SERINC2: variants seen among roughly 807,000 people sequenced by gnomAD.
SERINC2 encodes tumor differentially expressed protein 2.
Under a neutral mutation model 54.2 loss-of-function variants are expected in SERINC2, and 56 were observed. That is an observed-to-expected ratio of 1.03 (90% CI 0.83 to 1.29). The LOEUF is 1.29. Ranked by LOEUF, SERINC2 falls within the 50% of genes most tolerant of loss-of-function variation. SERINC2 has a pLI of 0.00. For synonymous variants in SERINC2, 272 were observed against 253.1 expected, an observed-to-expected ratio of 1.07 and a Z score of -0.71; for missense variants, 614 against 607.4, an observed-to-expected ratio of 1.01 and a Z score of -0.12.
chr1:31,414,205 G>A (rs1287111672), intron 1 of SERINC2: 106 of 1,355,710 alleles, frequency 7.8e-5, no homozygotes, highest in Non-Finnish European at 9.4e-5. Context: ...AGCTGCAGCC[G>A]CAGAGGGGAG....
chr1:31,434,560 G>A lies in SERINC2; in HGVS notation c.*361G>A, dbSNP rs782217423. 4.2e-5 allele frequency: 11 copies of A among 263,102 alleles called. No homozygotes were observed. In the East Asian group the frequency reaches 4.7e-4, roughly 11 times the overall value. The allele number at this position is 263,102 out of a possible 1,614,324, so 16.3% of individuals were successfully genotyped here. A position where few individuals can be genotyped will look rare whatever the true frequency, so the allele number is the denominator to read the frequency against. On this transcript the variant is annotated 3_prime_UTR_variant, in exon 10 of 10. Transcript: ENST00000373709. The stretch of plus-strand genomic sequence containing the variant: ...GAACTCCCACCACAGTGGGGCATCC[G>A]GCACTGAAGCCCTGGTGTTCCTGGT...
At chr1:31,423,454 C>T (rs950154606) in intron 1 of SERINC2, among the ~76,000 whole-genome samples, 1 of 152,212 alleles carries the variant, frequency 6.6e-6, no homozygotes, top group Non-Finnish European at 1.5e-5. Flanking sequence ...CTCTCGCTTT[C>T]AAGCCACAGT....
chr1:31,412,252 G>C (rs1272474785), upstream of SERINC2, among the ~76,000 whole-genome samples: 1 of 152,104 alleles, frequency 6.6e-6, no homozygotes, highest in African/African-American at 2.4e-5. Flanking sequence ...GGTGAAGGGA[G>C]ACTAATTACA....
At chr1:31,432,096 G>T (rs1223028173) in intron 8 of SERINC2, among the ~76,000 whole-genome samples, 1 of 127,684 alleles carries the variant, frequency 7.8e-6, no homozygotes, top group Non-Finnish European at 1.6e-5. Flanking sequence ...GGGTGGACAG[G>T]GTGGACAGGG....
At chr1:31,415,903 T>C (rs1553132146) in intron 1 of SERINC2, 1 of 985,476 alleles carries the variant, frequency 1.0e-6, no homozygotes, top group East Asian at 1.1e-4. Context: ...TGAACTGGGC[T>C]GAAGGTGGGT....
intron 9 of SERINC2, among the ~76,000 whole-genome samples, chr1:31,433,800 G>C (rs1314975104): frequency 2.6e-5 from 4 of 152,088 alleles, no homozygotes; most frequent in African/African-American, 9.7e-5. Context: ...TAGGATTGAG[G>C]TCCCAGAATT....
At chr1:31,432,059 GGGTGGACAGGGTGGACAGGGTGGTT>G (rs1570068324) in intron 8 of SERINC2, among the ~76,000 whole-genome samples, 2 of 134,182 alleles carry the variant, frequency 1.5e-5, no homozygotes, top group Non-Finnish European at 3.2e-5. Flanking sequence ...AGGGTGGACA[GGGTGGACAGGGTGGACAGGGTGGTT>G]AGGGTGGACA....
intron 9 of SERINC2, 104 bp downstream of exon 9, chr1:31,433,289 C>A: frequency 2.1e-6 from 2 of 975,298 alleles, no homozygotes; most frequent in Non-Finnish European, 1.6e-6. Flanking sequence ...CTGCTTAAGG[C>A]TTGGGGGTGG....
rs1640984767 is a variant in SERINC2 at position 31,424,666 on chromosome 1, T to C, written c.202-17T>C. 18 of 1,574,552 alleles carry C rather than the reference T, an allele frequency of 1.1e-5. No individual in the cohort carries two copies. The highest frequency in any genetic ancestry group is 2.7e-5 in the African/African-American group (2 of 74,032). On this transcript the variant is annotated splice_polypyrimidine_tract_variant and intron_variant, in intron 2 of 9. Transcript: ENST00000373709. ...GTGAGAGGTGGGGCTTTGACGCTGC[T>C]CTGTCTGTCTCCACAGCTGCCCTGG...
rs1641009720 is a variant in SERINC2 at position 31,425,323 on chromosome 1, T to C, written c.393-7T>C. 3 of 1,606,798 alleles carry C rather than the reference T, an allele frequency of 1.9e-6. No individual in the cohort carries two copies. The highest frequency in any genetic ancestry group is 1.7e-5 in the Admixed American group (1 of 59,996). ...CTTCCTTGTCCATTCCCCGACCCCT[T>C]CTGTAGGTTTTGGTTCTTTAAGTTC... On this transcript the variant is annotated splice_polypyrimidine_tract_variant and splice_region_variant and intron_variant, in intron 3 of 9. Transcript: ENST00000373709.
At chr1:31,413,193 A>G (rs1553131678), upstream of SERINC2, 6 of 1,028,170 alleles carry the variant, frequency 5.8e-6, no homozygotes, top group African/African-American at 9.2e-5. The surrounding 1 kb of genome is among the most constrained non-coding windows in gnomAD (Gnocchi z 5.0). Context: ...GGGAGGGGCC[A>G]GGCCCGGCAC....
At position 31,413,737 on chromosome 1, in the gene SERINC2, G is replaced by A; in HGVS notation, c.39+433G>A. The stretch of plus-strand genomic sequence containing the variant: ...GGTCGCCCGGGCCCCGTCCCTCCTG[G>A]CGAGTGCCCTGCCCTACCCCTCTGG... On this transcript the variant is annotated intron_variant, in intron 1 of 9. Coordinates refer to ENST00000373709, the MANE Select transcript of SERINC2 (RefSeq NM_178865.5). This position sits in a 1 kb window ranked among gnomAD's most constrained non-coding sequence, Gnocchi z 5.0. 1 of 1,308,450 alleles carries A rather than the reference G, an allele frequency of 7.6e-7. No individual in the cohort carries two copies. The highest frequency in any genetic ancestry group is 2.2e-5 in the South Asian group (1 of 46,118). 81.1% of individuals were successfully genotyped at this position (1,308,450 alleles called of 1,614,324 possible). A position where few individuals can be genotyped will look rare whatever the true frequency, so the allele number is the denominator to read the frequency against.
chr1:31,433,699 G>A (rs1553135232), intron 9 of SERINC2, among the ~76,000 whole-genome samples: 1 of 152,096 alleles, frequency 6.6e-6, no homozygotes, highest in African/African-American at 2.4e-5. Flanking sequence ...ATAAGGTCAG[G>A]GGCCACCCCT....
intron 8 of SERINC2, 119 bp from the exon 9 acceptor site, chr1:31,432,848 G>T (rs908471924): frequency 4.1e-6 from 3 of 731,288 alleles, no homozygotes; most frequent in Admixed American, 2.4e-5. Flanking sequence ...AAAGCAGTTT[G>T]TTAACTCCCA....
At chr1:31,415,190 C>T (rs1553132068) in intron 1 of SERINC2, among the ~76,000 whole-genome samples, 3 of 152,204 alleles carry the variant, frequency 2.0e-5, no homozygotes, top group Non-Finnish European at 4.4e-5. Context: ...GATTCCTGGT[C>T]CAGGCTTCTG....
In SERINC2 at chr1:31,434,221, C is replaced by T. The variant is rs781993040; in HGVS notation, c.*22C>T. 3 of 1,606,786 alleles carry T rather than the reference C, an allele frequency of 1.9e-6. No individual in the cohort carries two copies. The highest frequency in any genetic ancestry group is 2.7e-5 in the African/African-American group (2 of 74,860). The stretch of plus-strand genomic sequence containing the variant: ...CTGAGGCAGCCTCACAGCCTGCCAT[C>T]TGGTGCCTCCTGCCACCTGGTGCCT... On this transcript the variant is annotated 3_prime_UTR_variant, in exon 10 of 10. Coordinates refer to ENST00000373709, the MANE Select transcript of SERINC2 (RefSeq NM_178865.5).
chr1:31,425,457 G>C, intron 4 of SERINC2, 48 bp downstream of exon 4: 1 of 1,384,684 alleles, frequency 7.2e-7, no homozygotes, highest in Non-Finnish European at 1.0e-6. Context: ...GAGGGAAGTG[G>C]GGCGGCAGGT....
chr1:31,434,407 C>T lies in SERINC2; in HGVS notation c.*208C>T, dbSNP rs1641414462. ...CAGGCTCCTGCAGAGCCCCATCCCC[C>T]CGCCACACCCACACGGTGGAGCTGC... On this transcript the variant is annotated 3_prime_UTR_variant, in exon 10 of 10. Coordinates refer to ENST00000373709, the MANE Select transcript of SERINC2 (RefSeq NM_178865.5). The T allele has an allele frequency of 1.4e-5, 8 of 582,652 alleles. No individual in the cohort carries two copies. Among genetic ancestry groups the T allele is most frequent in the Non-Finnish European group, 2.4e-5 (8 of 328,748 alleles). The allele number at this position is 582,652 out of a possible 1,614,324, so 36.1% of individuals were successfully genotyped here. A position where few individuals can be genotyped will look rare whatever the true frequency, so the allele number is the denominator to read the frequency against.
rs888157284 is a variant in SERINC2, at chr1:31,433,185, A to G, written c.1232A>G (p.Lys411Arg). The G allele has an allele frequency of 9.9e-6, 16 of 1,612,774 alleles. No individual in the cohort carries two copies. The highest frequency in any genetic ancestry group is 1.4e-5 in the Non-Finnish European group (16 of 1,179,382). Residue 411 changes from lysine (K) to arginine (R), a missense_variant and splice_region_variant, in exon 9 of 10, where the codon AAG becomes AGG. Physicochemically the swap from Lys to Arg is conservative, Grantham distance 26. Coordinates refer to ENST00000373709, the MANE Select transcript of SERINC2 (RefSeq NM_178865.5). ...HVMMTLTNWYKPGETRKMIST... is the reference protein window; with the variant it reads ...HVMMTLTNWYRPGETRKMIST... ...ATGATGACGCTCACCAACTGGTACA[A>G]GTGCGTAGCTGGTGGGGCATGGACA...
Sources: allele counts gnomAD v4.1 joint callset (sites outside exome capture counted in the v4.1 genomes callset), GRCh38; gene constraint gnomAD v4.1.1; non-coding constraint Gnocchi (gnomAD v3.1); transcripts MANE v1.5; gene names NCBI Gene and HGNC (gene_info 2026-07-23, HGNC 2026-07-21).